DENND2D: variants seen among roughly 807,000 people sequenced by gnomAD.
DENND2D encodes DENN domain-containing protein 2D.
DENND2D carries 37 observed loss-of-function variants against 59.8 expected under a neutral mutation model. The observed-to-expected ratio is 0.62, with a 90% CI of 0.48 to 0.81. The LOEUF is 0.81. Ranked by LOEUF, DENND2D falls within the 40% of genes least tolerant of loss-of-function variation. The probability of loss-of-function intolerance (pLI) is 0.00; values close to 1 mark genes in which losing one functional copy is unlikely to be tolerated. For missense variants in DENND2D, 525 were observed against 579.7 expected, an observed-to-expected ratio of 0.91 and a Z score of 0.97; for synonymous variants, 219 against 211.3, an observed-to-expected ratio of 1.04 and a Z score of -0.31.
rs1657288245 is a variant in DENND2D, at chr1:111,187,005, T to C, written c.*600A>G. Among the ~76,000 whole-genome samples, 1 of 152,130 alleles carries C rather than the reference T, an allele frequency of 6.6e-6. No homozygotes were observed. Among genetic ancestry groups the C allele is most frequent in the African/African-American group, 2.4e-5 (1 of 41,422 alleles). On this transcript the variant is annotated 3_prime_UTR_variant, in exon 12 of 12. Transcript: ENST00000357640. Reference sequence around the variant, plus strand: ...CTGCTGCTGCTTTTACCAGTATCTCTTACCCTTCCGGTTAGAAGAAGTAGA... The same window carrying C: ...CTGCTGCTGCTTTTACCAGTATCTCCTACCCTTCCGGTTAGAAGAAGTAGA...
intron 8 of DENND2D, among the ~76,000 whole-genome samples, chr1:111,190,025 G>A (rs1398697682): frequency 6.6e-6 from 1 of 152,032 alleles, no homozygotes; most frequent in African/African-American, 2.4e-5. Flanking sequence ...TCAGCCGGGT[G>A]TGGTGGCGGG....
chr1:111,189,330 G>T, intron 8 of DENND2D, 77 bp from the exon 9 acceptor site: 1 of 1,519,088 alleles, frequency 6.6e-7, no homozygotes, highest in Non-Finnish European at 9.1e-7. Flanking sequence ...CTTGATTTCT[G>T]CCTGTGGCTG....
At chr1:111,200,908 T>G (rs962409264), upstream of DENND2D, 44 of 200,204 alleles carry the variant, frequency 2.2e-4, no homozygotes, top group Middle Eastern at 2.5e-3. Flanking sequence ...CTGTGGGCAC[T>G]GGAAACCGGC....
chr1:111,204,342 G>A (rs1318632109), upstream of DENND2D: 3 of 1,480,286 alleles, frequency 2.0e-6, no homozygotes, highest in Non-Finnish European at 1.8e-6. Context: ...GGCGGCGGCC[G>A]AGCCCATCCA....
In DENND2D at chr1:111,186,060, C is replaced by G. The variant is rs1394169955; in HGVS notation, c.*1545G>C. The stretch of plus-strand genomic sequence containing the variant: ...CACTCAGATATTTAGTGTGTGCTTC[C>G]TTCAGCCCTAAATACAGCATTAGCA... On this transcript the variant is annotated 3_prime_UTR_variant, in exon 12 of 12. Transcript: ENST00000357640. 6.6e-6 allele frequency among the ~76,000 whole-genome samples: 1 copy of G among 152,192 alleles called. No homozygotes were observed. The highest frequency in any genetic ancestry group is 1.5e-5 in the Non-Finnish European group (1 of 68,028).
intron 9 of DENND2D, 107 bp downstream of exon 9, chr1:111,189,105 C>T (rs962908809): frequency 9.1e-6 from 12 of 1,314,060 alleles, no homozygotes; most frequent in Non-Finnish European, 1.3e-5. Flanking sequence ...CACAGATTCT[C>T]ACTCAACAAA....
chr1:111,189,113 A>G lies in DENND2D; in HGVS notation c.1014+99T>C, dbSNP rs973020839. 14 of 1,408,702 alleles carry G rather than the reference A, an allele frequency of 9.9e-6. No homozygotes were observed. In the Middle Eastern group the frequency reaches 7.7e-4, roughly 77 times the overall value. The allele number at this position is 1,408,702 out of a possible 1,614,324, so 87.3% of individuals were successfully genotyped here. ...TTTTTAGCACAGATTCTCACTCAACAAAGAACTTAAATGTTTGTTTAAATA... is the reference window on the plus strand; with the variant it reads ...TTTTTAGCACAGATTCTCACTCAACGAAGAACTTAAATGTTTGTTTAAATA... On this transcript the variant is annotated intron_variant, in intron 9 of 11. Coordinates refer to ENST00000357640, the MANE Select transcript of DENND2D (RefSeq NM_024901.5).
chr1:111,198,985 C>T (rs576617704), intron 2 of DENND2D, among the ~76,000 whole-genome samples: 2 of 148,182 alleles, frequency 1.3e-5, no homozygotes, highest in South Asian at 2.1e-4. Flanking sequence ...AGCTTGAGTT[C>T]GACCTCAGTA....
In DENND2D at chr1:111,186,994, A is replaced by C. The variant is rs1481143248; in HGVS notation, c.*611T>G. On this transcript the variant is annotated 3_prime_UTR_variant, in exon 12 of 12. Transcript: ENST00000357640. ...TGTGTCCAGTGCTGCTGCTGCTTTTACCAGTATCTCTTACCCTTCCGGTTA... is the reference window on the plus strand; with the variant it reads ...TGTGTCCAGTGCTGCTGCTGCTTTTCCCAGTATCTCTTACCCTTCCGGTTA... 3.3e-5 allele frequency among the ~76,000 whole-genome samples: 5 copies of C among 152,080 alleles called. No homozygotes were observed. The highest frequency in any genetic ancestry group is 1.5e-5 in the Non-Finnish European group (1 of 68,020).
chr1:111,202,696 T>TACACACACACACACAC (rs5741908), upstream of DENND2D, among the ~76,000 whole-genome samples: 160 of 142,954 alleles, frequency 1.1e-3, 1 homozygote, highest in Middle Eastern at 3.4e-3. Context: ...GTCACCAGGA[T>TACACACACACACACAC]ACACACACAC....
Position 111,198,043 on chromosome 1 carries a change from G to A in DENND2D, c.357-54C>T, listed in dbSNP as rs1484831258. On this transcript the variant is annotated intron_variant, in intron 3 of 11. Coordinates refer to ENST00000357640, the MANE Select transcript of DENND2D (RefSeq NM_024901.5). ...GTATTGCTCACTGAATCCTAAAACAGGAAAGTGGTCAGCACTAGAGGGTGG... is the reference window on the plus strand; with the variant it reads ...GTATTGCTCACTGAATCCTAAAACAAGAAAGTGGTCAGCACTAGAGGGTGG... 3 of 1,581,698 alleles carry A rather than the reference G, an allele frequency of 1.9e-6. No individual in the cohort carries two copies. The African/African-American group carries it at 4.0e-5, about 21-fold the overall frequency.
intron 5 of DENND2D, chr1:111,196,961 T>C (rs560108753): frequency 1.1e-5 from 6 of 547,776 alleles, no homozygotes; most frequent in Non-Finnish European, 1.6e-5. Context: ...GTGGGAACAG[T>C]AGCTGTCTCT....
intron 1 of DENND2D, chr1:111,200,022 A>C: frequency 1.6e-6 from 1 of 618,014 alleles, no homozygotes. Flanking sequence ...AGAGGAAAGA[A>C]ACCACTGACA....
At chr1:111,202,682 C>G (rs2101516873), upstream of DENND2D, among the ~76,000 whole-genome samples, 1 of 128,634 alleles carries the variant, frequency 7.8e-6, no homozygotes, top group East Asian at 2.5e-4. Flanking sequence ...CCACATCACT[C>G]CTTGTCACCA....
intron 9 of DENND2D, 129 bp downstream of exon 9, chr1:111,189,083 T>G: frequency 1.9e-6 from 2 of 1,063,060 alleles, no homozygotes; most frequent in Non-Finnish European, 2.8e-6. Flanking sequence ...GAGAGAGATG[T>G]GGTCTTTTTA....
chr1:111,200,407 A>G lies in DENND2D; in HGVS notation c.53T>C (p.Leu18Pro). ...CCAGTCCTGACCTGCTCGGAGTTGA[A>G]GCAGTCGGCGTTGGAAGAGCCTGAA... ...RVFRLFQRRLLQLRAGPPQDN... is the reference protein window; with the variant it reads ...RVFRLFQRRLPQLRAGPPQDN... The change falls in exon 1 of 12, where the codon CTT (leucine) becomes CCT (proline). Residue 18 changes from leucine to proline, a missense_variant. By Grantham distance (98) the Leu-to-Pro change is moderately conservative. Around this residue, in one of 3 missense-constraint regions of DENND2D, gnomAD observed 253 missense variants for 246.4 expected, o/e 1.03. Coordinates refer to ENST00000357640, the MANE Select transcript of DENND2D (RefSeq NM_024901.5). The G allele has an allele frequency of 6.2e-7, 1 of 1,612,484 alleles. No individual in the cohort carries two copies. The highest frequency in any genetic ancestry group is 1.3e-5 in the African/African-American group (1 of 74,996).
At chr1:111,191,152 T>C (rs1394305486) in intron 8 of DENND2D, among the ~76,000 whole-genome samples, 3 of 152,188 alleles carry the variant, frequency 2.0e-5, no homozygotes, top group Admixed American at 2.0e-4. Flanking sequence ...CTGTCCCAGT[T>C]AGTCACAAGG....
At chr1:111,199,582 C>G (rs558026766) in intron 2 of DENND2D, 41 bp downstream of exon 2, 2 of 1,584,584 alleles carry the variant, frequency 1.3e-6, no homozygotes, top group African/African-American at 2.7e-5. Context: ...TTCCAAACAC[C>G]CCAGTCCTCT....
At chr1:111,204,400 G>GC, upstream of DENND2D, 1 of 1,352,068 alleles carries the variant, frequency 7.4e-7, no homozygotes, top group South Asian at 1.8e-5. Context: ...CGCTGGCCCC[G>GC]CCCCCCTATC....
Sources: allele counts gnomAD v4.1 joint callset (sites outside exome capture counted in the v4.1 genomes callset), GRCh38; gene constraint gnomAD v4.1.1; regional missense constraint gnomAD v4.1.1; transcripts MANE v1.5; gene names NCBI Gene and HGNC (gene_info 2026-07-23, HGNC 2026-07-21).